The following DENND2B variants were observed in gnomAD, a reference collection of about 807,000 sequenced individuals.
DENND2B encodes DENN domain containing 2B, also known as DENN domain-containing protein 2B.
DENND2B carries 32 observed loss-of-function variants against 116.0 expected under a neutral mutation model. The ratio of observed to expected loss-of-function variants is 0.28; its 90% CI spans 0.21 to 0.37. The LOEUF (loss-of-function observed/expected upper bound fraction) is 0.37, where lower values mean the gene tolerates loss of function less well. Ranked by LOEUF, DENND2B falls within the 10% of genes least tolerant of loss-of-function variation. The pLI is 1.00. For synonymous variants in DENND2B, 588 were observed against 583.9 expected (o/e 1.01, Z -0.10); for missense variants, 1,276 against 1,477.7 (o/e 0.86, Z 2.24).
intron 2 of DENND2B, among the ~76,000 whole-genome samples, chr11:8,734,063 G>A (rs1040319029): frequency 6.6e-6 from 1 of 152,170 alleles, no homozygotes; most frequent in Non-Finnish European, 1.5e-5. Context: ...CCATATCACA[G>A]AGAAGGCACC....
intron 2 of DENND2B, among the ~76,000 whole-genome samples, chr11:8,867,419 C>T (rs2063620874): frequency 6.6e-6 from 1 of 152,064 alleles, no homozygotes; most frequent in African/African-American, 2.4e-5. Context: ...CCTATCCCTT[C>T]TAAATCCCCA....
intron 2 of DENND2B, among the ~76,000 whole-genome samples, chr11:8,866,029 G>C (rs898193454): frequency 2.6e-5 from 4 of 151,804 alleles, no homozygotes; most frequent in African/African-American, 9.7e-5. Context: ...GCGCGATCTC[G>C]GCTCACTGCA....
At position 8,816,526 on chromosome 11, in the gene DENND2B, G is replaced by A. The variant is rs894980834; in HGVS notation, c.-114-5191C>T. ...TCATCGCATCACTGCACTACAGCCT[G>A]GGTGACAGAGCAAAACTGTGTCTCA... On this transcript the variant is annotated intron_variant, in intron 4 of 6. Coordinates refer to the DENND2B transcript ENST00000524757. Among the ~76,000 whole-genome samples the A allele has an allele frequency of 3.3e-5, 5 of 150,472 alleles. No homozygotes were observed. In the South Asian group the frequency reaches 1.1e-3, roughly 32 times the overall value.
At chr11:8,804,062 AG>A (rs377044013) in intron 1 of DENND2B, among the ~76,000 whole-genome samples, 24 of 152,320 alleles carry the variant, frequency 1.6e-4, no homozygotes, top group African/African-American at 5.5e-4. Context: ...GTGAGGAGTG[AG>A]CATCCCACAG....
At chr11:8,698,400 C>T (rs1006225308) in intron 16 of DENND2B, among the ~76,000 whole-genome samples, 1 of 152,194 alleles carries the variant, frequency 6.6e-6, no homozygotes, top group Admixed American at 6.5e-5. Context: ...GAGTCCTCAG[C>T]TCCGTCATTG....
chr11:8,817,369 GCA>G (rs557487030), intron 4 of DENND2B, among the ~76,000 whole-genome samples: 3 of 152,116 alleles, frequency 2.0e-5, no homozygotes, highest in Admixed American at 2.0e-4. Flanking sequence ...GGCAGGACCT[GCA>G]CAGTGTTGAC....
chr11:8,695,860 T>C (rs1230564238), intron 18 of DENND2B: 2 of 420,898 alleles, frequency 4.8e-6, no homozygotes, highest in Admixed American at 4.1e-5. Flanking sequence ...CAGACAACTC[T>C]ACCATGTTGT....
chr11:8,728,551 T>G (rs1045299082), intron 3 of DENND2B, among the ~76,000 whole-genome samples: 1 of 151,454 alleles, frequency 6.6e-6, no homozygotes, highest in Non-Finnish European at 1.5e-5. Flanking sequence ...ATAAATGCAG[T>G]GTGGGGTGGA....
At chr11:8,718,174 A>G (rs1031449710) in intron 4 of DENND2B, 1 of 571,298 alleles carries the variant, frequency 1.8e-6, no homozygotes, top group Non-Finnish European at 3.2e-6. Flanking sequence ...GGATTGCACA[A>G]GACTGGCTCA....
chr11:8,725,626 G>A (rs531649477), intron 4 of DENND2B, among the ~76,000 whole-genome samples: 6 of 152,028 alleles, frequency 3.9e-5, no homozygotes, highest in Non-Finnish European at 7.4e-5. Flanking sequence ...CCAAAGTGCT[G>A]GAATTACAGG....
At chr11:8,840,145 G>C (rs1415069791) in intron 3 of DENND2B, among the ~76,000 whole-genome samples, 1 of 151,954 alleles carries the variant, frequency 6.6e-6, no homozygotes, top group African/African-American at 2.4e-5. Context: ...ATGTAAACAG[G>C]CCAGGGAAGC....
intron 1 of DENND2B, among the ~76,000 whole-genome samples, chr11:8,909,369 T>C (rs905395264): frequency 9.4e-5 from 14 of 149,398 alleles, no homozygotes; most frequent in Non-Finnish European, 1.6e-4. Flanking sequence ...CGTTTCTTTA[T>C]TAAACAAAAA....
At chr11:8,727,964 AACACACACACACACACACACACACACAC>A (rs55688240) in intron 3 of DENND2B, among the ~76,000 whole-genome samples, 9 of 138,680 alleles carry the variant, frequency 6.5e-5, no homozygotes, top group African/African-American at 8.3e-5. Context: ...ATTTTACACA[AACACACACACACACACACACACACACAC>A]ACACACACAC....
chr11:8,845,337 AC>A (rs2062775381), intron 3 of DENND2B: 1 of 152,200 alleles, frequency 6.6e-6, no homozygotes, highest in African/African-American at 2.4e-5. Context: ...CCCCGTTAGT[AC>A]TTGAATGGGA....
At chr11:8,876,286 A>T (rs1472888626), upstream of DENND2B, among the ~76,000 whole-genome samples, 21 of 152,306 alleles carry the variant, frequency 1.4e-4, no homozygotes, top group Non-Finnish European at 7.4e-5. Flanking sequence ...TTTGGATTTC[A>T]AGTATTACTG....
chr11:8,836,068 C>T (rs928691731), intron 4 of DENND2B, among the ~76,000 whole-genome samples: 1 of 151,822 alleles, frequency 6.6e-6, no homozygotes, highest in Non-Finnish European at 1.5e-5. Context: ...GAATATAGGG[C>T]CGGGGATGGT....
chr11:8,741,713 C>G (rs2050245218), intron 2 of DENND2B, among the ~76,000 whole-genome samples: 1 of 152,170 alleles, frequency 6.6e-6, no homozygotes, highest in Non-Finnish European at 1.5e-5. Flanking sequence ...GCTCCTAATT[C>G]CTGTCTACCA....
chr11:8,897,313 A>T (rs544207990), intron 1 of DENND2B, among the ~76,000 whole-genome samples: 1 of 152,298 alleles, frequency 6.6e-6, no homozygotes, highest in Non-Finnish European at 1.5e-5. Flanking sequence ...AAGCATTTAT[A>T]AAGGAAAAAA....
intron 1 of DENND2B, among the ~76,000 whole-genome samples, chr11:8,784,819 C>T (rs1593655626): frequency 1.4e-5 from 2 of 138,072 alleles, no homozygotes; most frequent in Non-Finnish European, 3.1e-5. Flanking sequence ...GCCTGGGTGA[C>T]AAAGTAAGAC....
Sources: allele counts gnomAD v4.1 joint callset (sites outside exome capture counted in the v4.1 genomes callset), GRCh38; gene constraint gnomAD v4.1.1; transcripts MANE v1.5; gene names NCBI Gene and HGNC (gene_info 2026-07-23, HGNC 2026-07-21).